The following ZNF652 variants were observed in gnomAD, a reference collection of about 807,000 sequenced individuals.
ZNF652 encodes zinc finger protein 652.
ZNF652 carries 16 observed loss-of-function variants against 45.2 expected under a neutral mutation model. The observed-to-expected ratio is 0.35, with a 90% CI of 0.24 to 0.54. The LOEUF (loss-of-function observed/expected upper bound fraction) is 0.54. Among genes scored for constraint, ZNF652 ranks in the 20% least tolerant of loss-of-function variants. The probability of loss-of-function intolerance (pLI) is 0.91; values close to 1 mark genes in which losing one functional copy is unlikely to be tolerated. For synonymous variants in ZNF652, 250 were observed against 260.6 expected (o/e 0.96, Z 0.39); for missense variants, 614 against 765.6 (o/e 0.80, Z 2.34).
chr17:49,340,254 G>A (rs1480241765), intron 1 of ZNF652, among the ~76,000 whole-genome samples: 1 of 152,028 alleles, frequency 6.6e-6, no homozygotes, highest in Non-Finnish European at 1.5e-5. Flanking sequence ...ATCTCTACCA[G>A]AGATAGAAAA....
intron 1 of ZNF652, among the ~76,000 whole-genome samples, chr17:49,322,891 T>A (rs1482502040): frequency 2.6e-5 from 4 of 151,874 alleles, no homozygotes; most frequent in Admixed American, 6.6e-5. Context: ...TCTCAATAAA[T>A]AAATAAATAA....
At chr17:49,310,114 C>T (rs1471390143) in intron 5 of ZNF652, among the ~76,000 whole-genome samples, 2 of 152,114 alleles carry the variant, frequency 1.3e-5, no homozygotes, top group Admixed American at 6.5e-5. Context: ...CCACCATGCC[C>T]GGCTAATTTT....
intron 1 of ZNF652, among the ~76,000 whole-genome samples, chr17:49,342,740 A>G (rs926733788): frequency 6.6e-6 from 1 of 152,110 alleles, no homozygotes; most frequent in African/African-American, 2.4e-5. Context: ...CAATTTAATG[A>G]TCTGCTTGTG....
chr17:49,334,867 CA>C (rs1420516725), intron 1 of ZNF652, among the ~76,000 whole-genome samples: 1 of 151,430 alleles, frequency 6.6e-6, no homozygotes, highest in African/African-American at 2.4e-5. Flanking sequence ...AGAAGCCAGA[CA>C]TAACAGGCTA....
chr17:49,334,799 T>G (rs545301455), intron 1 of ZNF652, among the ~76,000 whole-genome samples: 24 of 146,718 alleles, frequency 1.6e-4, no homozygotes, highest in African/African-American at 6.0e-4. Context: ...AAAAAGGGAA[T>G]GTAGTACTGA....
chr17:49,353,686 A>C (rs1299599157), intron 1 of ZNF652, among the ~76,000 whole-genome samples: 1 of 152,216 alleles, frequency 6.6e-6, no homozygotes, highest in East Asian at 1.9e-4. Flanking sequence ...CCTCACAGTA[A>C]GATTAAGTAC....
In ZNF652 at chr17:49,311,231, A is replaced by G. The variant is rs2069707080; in HGVS notation, c.1309+81T>C. On this transcript the variant is annotated intron_variant, in intron 5 of 5. Transcript: ENST00000430262. ...CTTTGAATGCAAATTTGTGGTTTTGATTTTTTTAAAAAACAGACCCACAGA... is the reference window on the plus strand; with the variant it reads ...CTTTGAATGCAAATTTGTGGTTTTGGTTTTTTTAAAAAACAGACCCACAGA... The G allele has an allele frequency of 7.0e-6, 10 of 1,433,770 alleles. 1 individual carries two copies. The South Asian group carries it at 1.5e-4, about 22-fold the overall frequency. 88.8% of individuals were successfully genotyped at this position (1,433,770 alleles called of 1,614,324 possible). A position where few individuals can be genotyped will look rare whatever the true frequency, so the allele number is the denominator to read the frequency against.
intron 1 of ZNF652, among the ~76,000 whole-genome samples, chr17:49,354,587 G>A (rs1429420547): frequency 6.8e-6 from 1 of 146,312 alleles, no homozygotes; most frequent in Non-Finnish European, 1.5e-5. Flanking sequence ...CCTCAGCCTG[G>A]GCATGGAAGC....
At chr17:49,310,801 CTAA>C (rs569177042) in intron 5 of ZNF652, among the ~76,000 whole-genome samples, 3,924 of 152,200 alleles carry the variant, frequency 0.026, 160 homozygotes, top group African/African-American at 0.086. Context: ...ACTTGGTAGG[CTAA>C]GGTGGGAGGA....
chr17:49,354,058 T>C (rs1209370116), intron 1 of ZNF652, among the ~76,000 whole-genome samples: 1 of 152,224 alleles, frequency 6.6e-6, no homozygotes, highest in Non-Finnish European at 1.5e-5. Flanking sequence ...CAAATTATAA[T>C]ACATGCAGAA....
chr17:49,354,503 C>A (rs954776873), intron 1 of ZNF652, among the ~76,000 whole-genome samples: 1 of 150,892 alleles, frequency 6.6e-6, no homozygotes, highest in Admixed American at 6.6e-5. Context: ...CCCAGCTACT[C>A]GGGAGGCCAA....
rs1029342020 is a variant in ZNF652, at chr17:49,292,678, A to G, written c.*5735T>C. ...GAAAAAGGTGTTCAAAAGACATTCA[A>G]TGACCTTTAATTTTAAAGGAACGTC... On this transcript the variant is annotated 3_prime_UTR_variant, in exon 6 of 6. Transcript: ENST00000430262. Among the ~76,000 whole-genome samples, 5 of 152,220 alleles carry G rather than the reference A, an allele frequency of 3.3e-5. No homozygotes were observed. The highest frequency in any genetic ancestry group is 1.2e-4 in the African/African-American group (5 of 41,464).
intron 1 of ZNF652, among the ~76,000 whole-genome samples, chr17:49,345,840 C>CA (rs11381958): frequency 0.39 from 44,817 of 115,346 alleles, 7,541 homozygotes; most frequent in Middle Eastern, 0.46. Flanking sequence ...GACTCCATCT[C>CA]AAAAAAAAAA....
At chr17:49,355,146 T>C (rs1417915236) in intron 1 of ZNF652, among the ~76,000 whole-genome samples, 2 of 152,244 alleles carry the variant, frequency 1.3e-5, no homozygotes, top group African/African-American at 4.8e-5. Flanking sequence ...TTAAGTAAGT[T>C]ATTCATGTTG....
In ZNF652 at chr17:49,292,586, C is replaced by T. The variant is rs2069418115; in HGVS notation, c.*5827G>A. On this transcript the variant is annotated 3_prime_UTR_variant, in exon 6 of 6. Transcript: ENST00000430262. ...AGGGAGTGGGCACATGGGAACAGGG[C>T]AGAGCAACAGCAGCACTCAGGATCC... is the stretch of plus-strand genomic sequence containing the variant. 6.6e-6 allele frequency among the ~76,000 whole-genome samples: 1 copy of T among 151,978 alleles called. No individual in the cohort carries two copies. The highest frequency in any genetic ancestry group is 2.1e-4 in the South Asian group (1 of 4,824).
chr17:49,323,450 C>G (rs758622207), intron 1 of ZNF652, among the ~76,000 whole-genome samples: 1 of 152,230 alleles, frequency 6.6e-6, no homozygotes, highest in Non-Finnish European at 1.5e-5. Context: ...TTGGAATCAA[C>G]TCCTCTAAAC....
In ZNF652 at chr17:49,294,945, G is replaced by A. The variant is rs1267993476; in HGVS notation, c.*3468C>T. ...ATGGGGTGCTGTAGCATATATGGAA[G>A]AGAACATACCACATAATGCAACTTT... On this transcript the variant is annotated 3_prime_UTR_variant, in exon 6 of 6. Coordinates refer to ENST00000430262, the MANE Select transcript of ZNF652 (RefSeq NM_001145365.3). 1 of 152,138 alleles carries A rather than the reference G, an allele frequency of 6.6e-6. No individual in the cohort carries two copies. The highest frequency in any genetic ancestry group is 1.9e-4 in the East Asian group (1 of 5,204). 9.4% of individuals were successfully genotyped at this position (152,138 alleles called of 1,614,324 possible).
rs941617837 is a variant in ZNF652 at position 49,292,038 on chromosome 17, T to C, written c.*6375A>G. 2.0e-5 allele frequency among the ~76,000 whole-genome samples: 3 copies of C among 152,132 alleles called. No homozygotes were observed. ...GAGAATGTATTAACAGCTGCCTTCT[T>C]AGATACCCACCTTGTGTGGTTATTA... is the stretch of plus-strand genomic sequence containing the variant. On this transcript the variant is annotated 3_prime_UTR_variant, in exon 6 of 6. Transcript: ENST00000430262.
chr17:49,299,070 C>A lies in ZNF652; in HGVS notation c.1310-146G>T, dbSNP rs2069516486. 8.4e-6 allele frequency: 7 copies of A among 836,272 alleles called. No homozygotes were observed. In the Admixed American group the frequency reaches 2.0e-4, roughly 24 times the overall value. The allele number at this position is 836,272 out of a possible 1,614,324, so 51.8% of individuals were successfully genotyped here. ...GCCTCAAGTGATCCTCCCATCTTGGCCTCCCAAAGTGCTGCGATTACAGGT... is the reference window on the plus strand; with the variant it reads ...GCCTCAAGTGATCCTCCCATCTTGGACTCCCAAAGTGCTGCGATTACAGGT... On this transcript the variant is annotated intron_variant, in intron 5 of 5. Coordinates refer to ENST00000430262, the MANE Select transcript of ZNF652 (RefSeq NM_001145365.3).
Sources: allele counts gnomAD v4.1 joint callset (sites outside exome capture counted in the v4.1 genomes callset), GRCh38; gene constraint gnomAD v4.1.1; transcripts MANE v1.5; gene names NCBI Gene and HGNC (gene_info 2026-07-23, HGNC 2026-07-21).